Variants in NUMB observed in about 807,000 individuals in gnomAD.
The protein encoded by NUMB is protein numb homolog.
Under a neutral mutation model 59.7 loss-of-function variants are expected in NUMB, and 29 were observed. That is an observed-to-expected ratio of 0.49 (90% CI 0.36 to 0.66). The LOEUF (loss-of-function observed/expected upper bound fraction) is 0.66. Among genes scored for constraint, NUMB ranks in the 30% least tolerant of loss-of-function variants. The probability of loss-of-function intolerance (pLI) is 0.00; values close to 1 mark genes in which losing one functional copy is unlikely to be tolerated. For synonymous variants in NUMB, 288 were observed against 288.2 expected, an observed-to-expected ratio of 1.00 and a Z score of 0.01; for missense variants, 723 against 822.0, an observed-to-expected ratio of 0.88 and a Z score of 1.47.
intron 2 of NUMB, among the ~76,000 whole-genome samples, chr14:73,383,531 C>A (rs945664020): frequency 1.3e-5 from 2 of 151,878 alleles, no homozygotes; most frequent in Non-Finnish European, 2.9e-5. Context: ...CCAGAGGGAA[C>A]TGAAAGAATG....
chr14:73,398,209 A>G (rs572231660), intron 2 of NUMB, among the ~76,000 whole-genome samples: 7 of 152,334 alleles, frequency 4.6e-5, no homozygotes, highest in Admixed American at 4.6e-4. Context: ...ATATCCCACA[A>G]TAGAAGATTA....
intron 2 of NUMB, among the ~76,000 whole-genome samples, chr14:73,395,168 A>G (rs1185369928): frequency 2.0e-5 from 3 of 151,126 alleles, no homozygotes; most frequent in Non-Finnish European, 4.4e-5. Context: ...AGGGATTAGA[A>G]TAGGTATTCA....
chr14:73,398,415 A>AGAGTGTGT (rs1438462148), intron 2 of NUMB, among the ~76,000 whole-genome samples: 1,640 of 118,840 alleles, frequency 0.014, 15 homozygotes, highest in Middle Eastern at 0.024. Context: ...AGAGAGAGAG[A>AGAGTGTGT]GTGTGTGTGT....
intron 1 of NUMB, among the ~76,000 whole-genome samples, chr14:73,415,623 C>T (rs1897096248): frequency 6.6e-6 from 1 of 151,770 alleles, no homozygotes; most frequent in Non-Finnish European, 1.5e-5. Context: ...TGAGCCACCA[C>T]GCTCAGCTAA....
chr14:73,416,805 G>A (rs1241442552), intron 1 of NUMB, among the ~76,000 whole-genome samples: 2 of 152,016 alleles, frequency 1.3e-5, no homozygotes, highest in African/African-American at 4.8e-5. Flanking sequence ...CAGCAGGCAG[G>A]GAAATACAGG....
chr14:73,401,124 T>C (rs764866661), intron 2 of NUMB, among the ~76,000 whole-genome samples: 55 of 152,168 alleles, frequency 3.6e-4, no homozygotes, highest in Admixed American at 9.8e-4. Context: ...TGAGTTAAAA[T>C]GTAGGATACC....
At chr14:73,432,307 G>A (rs1321465292) in intron 1 of NUMB, among the ~76,000 whole-genome samples, 4 of 151,722 alleles carry the variant, frequency 2.6e-5, no homozygotes, top group Non-Finnish European at 4.4e-5. Context: ...CGGTAAATAA[G>A]ACAGTGTAAT....
intron 4 of NUMB, among the ~76,000 whole-genome samples, chr14:73,328,651 A>G (rs1375723083): frequency 6.6e-6 from 1 of 152,188 alleles, no homozygotes; most frequent in African/African-American, 2.4e-5. Context: ...TAATATCCCT[A>G]ATGACTGATA....
At position 73,385,362 on chromosome 14, in the gene NUMB, G is replaced by T. The variant is rs1039373096; in HGVS notation, c.-100-18381C>A. ...AGAGTCTCGCTTTGTTGCCCAAGCT[G>T]ATCTCAAACTCCTGGGCTCAAGTGA... On this transcript the variant is annotated intron_variant, in intron 2 of 12. Transcript: ENST00000555238. Among the ~76,000 whole-genome samples the T allele has an allele frequency of 9.0e-4, 124 of 138,536 alleles. 1 individual carries two copies. The highest frequency in any genetic ancestry group is 3.2e-3 in the African/African-American group (121 of 37,450). The allele number at this position is 138,536 out of a possible 152,430, so 90.9% of individuals were successfully genotyped here. A position where few individuals can be genotyped will look rare whatever the true frequency, so the allele number is the denominator to read the frequency against.
chr14:73,353,075 T>TG (rs1893535599), intron 4 of NUMB, among the ~76,000 whole-genome samples: 1 of 73,066 alleles, frequency 1.4e-5, no homozygotes, highest in Non-Finnish European at 2.4e-5. Flanking sequence ...TTTTCTTGTT[T>TG]TTTTTTTTTT....
chr14:73,320,833 T>C (rs890065598), intron 5 of NUMB, among the ~76,000 whole-genome samples: 1 of 151,320 alleles, frequency 6.6e-6, no homozygotes, highest in Non-Finnish European at 1.5e-5. Context: ...AATAGTCCTA[T>C]GCCTCAAGCA....
At chr14:73,372,343 T>TTATATATA (rs60502086) in intron 2 of NUMB, among the ~76,000 whole-genome samples, 17 of 100,780 alleles carry the variant, frequency 1.7e-4, no homozygotes, top group African/African-American at 6.4e-4. Context: ...ATATAACCTT[T>TTATATATA]TATATATATA....
intron 1 of NUMB, among the ~76,000 whole-genome samples, chr14:73,419,923 T>C (rs1022068733): frequency 1.3e-5 from 2 of 152,222 alleles, no homozygotes; most frequent in South Asian, 4.1e-4. Flanking sequence ...TGGAGTGCAG[T>C]AGTGCCATCT....
intron 11 of NUMB, 141 bp from the exon 12 acceptor site, chr14:73,279,565 A>T (rs79090653): frequency 1.4e-6 from 1 of 698,958 alleles, no homozygotes; most frequent in South Asian, 2.6e-5. Context: ...GAAAACCATG[A>T]TATCTTGCAT....
At chr14:73,436,000 T>C (rs1898037528) in intron 1 of NUMB, among the ~76,000 whole-genome samples, 1 of 149,976 alleles carries the variant, frequency 6.7e-6, no homozygotes, top group African/African-American at 2.5e-5. Flanking sequence ...AGCAAGACTC[T>C]GTTTCAAAAA....
At chr14:73,450,676 T>C (rs1376407042) in intron 1 of NUMB, among the ~76,000 whole-genome samples, 4 of 151,814 alleles carry the variant, frequency 2.6e-5, no homozygotes, top group Non-Finnish European at 5.9e-5. Flanking sequence ...ACGCCTGTAA[T>C]CCCAGCTACT....
chr14:73,446,928 C>T (rs1294829006), intron 1 of NUMB, among the ~76,000 whole-genome samples: 2 of 152,104 alleles, frequency 1.3e-5, no homozygotes, highest in East Asian at 1.9e-4. Flanking sequence ...GTGGCTCACG[C>T]CTGTAATCCC....
chr14:73,325,446 C>T (rs76097760), intron 4 of NUMB, among the ~76,000 whole-genome samples: 9,828 of 152,096 alleles, frequency 0.065, 789 homozygotes, highest in African/African-American at 0.18. Context: ...AGAGAGAGAC[C>T]CTGTCTCTAA....
chr14:73,432,559 G>C (rs1260342200), intron 1 of NUMB, among the ~76,000 whole-genome samples: 1 of 151,858 alleles, frequency 6.6e-6, no homozygotes, highest in Non-Finnish European at 1.5e-5. Context: ...TTTATAAAAA[G>C]AGAAACAAAG....
Sources: allele counts gnomAD v4.1 joint callset (sites outside exome capture counted in the v4.1 genomes callset), GRCh38; gene constraint gnomAD v4.1.1; transcripts MANE v1.5; gene names NCBI Gene and HGNC (gene_info 2026-07-23, HGNC 2026-07-21).